Variants in CACNA1B observed in about 807,000 individuals in gnomAD.
The protein encoded by CACNA1B is calcium voltage-gated channel subunit alpha1 B.
In CACNA1B, 70 loss-of-function variants were observed where a neutral mutation model predicts 247.2. That is an observed-to-expected ratio of 0.28 (90% CI 0.23 to 0.35). CACNA1B has a LOEUF of 0.35. CACNA1B is among the 10% of genes least tolerant of loss of function. The probability of loss-of-function intolerance (pLI) is 1.00; values close to 1 mark genes in which losing one functional copy is unlikely to be tolerated. For missense variants in CACNA1B, 2,367 were observed against 3,197.4 expected, an observed-to-expected ratio of 0.74 and a Z score of 6.26; for synonymous variants, 1,231 against 1,294.4, an observed-to-expected ratio of 0.95 and a Z score of 1.05.
chr9:138,000,291 G>T (rs939080227), intron 15 of CACNA1B, among the ~76,000 whole-genome samples: 2 of 151,978 alleles, frequency 1.3e-5, no homozygotes, highest in Non-Finnish European at 1.5e-5. Flanking sequence ...GTAGAGACAG[G>T]GTTTCACCGT....
At chr9:137,967,053 G>A (rs1375377616) in intron 10 of CACNA1B, among the ~76,000 whole-genome samples, 4 of 151,240 alleles carry the variant, frequency 2.6e-5, no homozygotes, top group Non-Finnish European at 4.4e-5. Context: ...TTAGTATAAT[G>A]TTTGACTCTA....
rs1008349217 is a variant in CACNA1B, at chr9:138,050,723, C to T, written c.3711-1369C>T. On this transcript the variant is annotated intron_variant, in intron 24 of 46. Transcript: ENST00000371372. The surrounding 1 kb of genome is among the most constrained non-coding windows in gnomAD (Gnocchi z 5.2). ...AAGCCTCATTTACTGGGTGACAAAA[C>T]AGTATCCCCTCCCTCCTGCTCCTGT... is the stretch of plus-strand genomic sequence containing the variant. Among the ~76,000 whole-genome samples the T allele has an allele frequency of 1.3e-5, 2 of 152,170 alleles. No homozygotes were observed. The highest frequency in any genetic ancestry group is 4.8e-5 in the African/African-American group (2 of 41,436).
At chr9:138,006,979 C>A in intron 16 of CACNA1B, 95 bp downstream of exon 16, 1 of 693,632 alleles carries the variant, frequency 1.4e-6, no homozygotes, top group African/African-American at 1.8e-5. Context: ...GGACTAGGGG[C>A]CGTGGACGTG....
In CACNA1B at chr9:138,051,366, C is replaced by T. The variant is rs543296576; in HGVS notation, c.3711-726C>T. Among the ~76,000 whole-genome samples, 4 of 151,636 alleles carry T rather than the reference C, an allele frequency of 2.6e-5. No individual in the cohort carries two copies. The highest frequency in any genetic ancestry group is 2.1e-4 in the South Asian group (1 of 4,780). The stretch of plus-strand genomic sequence containing the variant: ...TTCTGTGCCTGGAATTTTCTTTCCC[C>T]GACTTCCTGCCTTGCCGTCCCTGCT... On this transcript the variant is annotated intron_variant, in intron 24 of 46. Coordinates refer to ENST00000371372, the MANE Select transcript of CACNA1B (RefSeq NM_000718.4). The surrounding 1 kb of genome is among the most constrained non-coding windows in gnomAD (Gnocchi z 4.3).
chr9:137,939,013 T>C (rs865852315), intron 6 of CACNA1B, among the ~76,000 whole-genome samples: 1 of 152,028 alleles, frequency 6.6e-6, no homozygotes, highest in African/African-American at 2.4e-5. Flanking sequence ...GAGGTTGCAG[T>C]GAGGCAAGAT....
intron 10 of CACNA1B, among the ~76,000 whole-genome samples, chr9:137,966,588 G>T (rs1958079430): frequency 6.7e-6 from 1 of 150,278 alleles, no homozygotes. Flanking sequence ...ACCCAGGCTG[G>T]AGTGCAGTGG....
At chr9:138,046,642 T>C (rs1379242068) in intron 21 of CACNA1B, among the ~76,000 whole-genome samples, 2 of 152,232 alleles carry the variant, frequency 1.3e-5, no homozygotes, top group Non-Finnish European at 2.9e-5. Context: ...GCCTGTGAGC[T>C]TTGGTTTGTT....
chr9:137,923,837 T>C (rs1392986699), intron 6 of CACNA1B, among the ~76,000 whole-genome samples: 1 of 152,228 alleles, frequency 6.6e-6, no homozygotes, highest in Non-Finnish European at 1.5e-5. Flanking sequence ...TTAGCCATTC[T>C]GATAGGGGTA....
chr9:137,972,370 C>T (rs542707393), intron 11 of CACNA1B, among the ~76,000 whole-genome samples: 203 of 152,362 alleles, frequency 1.3e-3, no homozygotes, highest in African/African-American at 4.8e-3. Context: ...TGGGTGTCTA[C>T]AGCGGATCTG....
intron 3 of CACNA1B, among the ~76,000 whole-genome samples, chr9:137,894,947 G>A (rs1588988331): frequency 6.6e-6 from 1 of 152,118 alleles, no homozygotes; most frequent in East Asian, 1.9e-4. Context: ...CTCTTTGCCA[G>A]CCCTAGAGCG....
At chr9:137,897,657 T>G (rs1358169205) in intron 3 of CACNA1B, among the ~76,000 whole-genome samples, 1 of 152,226 alleles carries the variant, frequency 6.6e-6, no homozygotes, top group Non-Finnish European at 1.5e-5. Context: ...ATATGTTGTA[T>G]TTTCGATTTA....
Position 137,919,928 on chromosome 9 carries a change from A to G in CACNA1B, c.966+2497A>G, listed in dbSNP as rs971571095. ...CGGAGTCAAATGGAGCTTTGGGAGA[A>G]CACACGGATGAGCCTGGGGAGAGAC... On this transcript the variant is annotated intron_variant, in intron 6 of 46. Coordinates refer to ENST00000371372, the MANE Select transcript of CACNA1B (RefSeq NM_000718.4). This position sits in a 1 kb window ranked among gnomAD's most constrained non-coding sequence, Gnocchi z 4.6. Among the ~76,000 whole-genome samples the G allele has an allele frequency of 6.6e-6, 1 of 152,166 alleles. No individual in the cohort carries two copies. The highest frequency in any genetic ancestry group is 6.5e-5 in the Admixed American group (1 of 15,284).
At chr9:137,988,191 G>A (rs12340740) in intron 15 of CACNA1B, among the ~76,000 whole-genome samples, 5,518 of 152,296 alleles carry the variant, frequency 0.036, 326 homozygotes, top group African/African-American at 0.12. Flanking sequence ...CCACACGACG[G>A]GGAGGTCACA....
At chr9:138,021,056 C>T (rs991415740) in intron 18 of CACNA1B, among the ~76,000 whole-genome samples, 8 of 152,206 alleles carry the variant, frequency 5.3e-5, no homozygotes, top group Non-Finnish European at 1.2e-4. Flanking sequence ...CAGTGAACAG[C>T]CTCCGCCCTC....
At position 138,051,382 on chromosome 9, in the gene CACNA1B, C is replaced by G. The variant is rs1279942530; in HGVS notation, c.3711-710C>G. ...TTCTTTCCCCGACTTCCTGCCTTGC[C>G]GTCCCTGCTCTGCATGAGTTTTCCT... On this transcript the variant is annotated intron_variant, in intron 24 of 46. Coordinates refer to ENST00000371372, the MANE Select transcript of CACNA1B (RefSeq NM_000718.4). This position sits in a 1 kb window ranked among gnomAD's most constrained non-coding sequence, Gnocchi z 4.3. Among the ~76,000 whole-genome samples the G allele has an allele frequency of 6.6e-6, 1 of 151,620 alleles. No individual in the cohort carries two copies. The highest frequency in any genetic ancestry group is 2.4e-5 in the African/African-American group (1 of 41,258).
chr9:137,898,931 C>T (rs907319655), intron 3 of CACNA1B, among the ~76,000 whole-genome samples: 1 of 151,964 alleles, frequency 6.6e-6, no homozygotes, highest in African/African-American at 2.4e-5. Context: ...CCGCCTGCCT[C>T]AGCCTCCCTA....
rs1323075467 is a variant in CACNA1B, at chr9:138,102,645, C to T, written c.5223-66C>T. On this transcript the variant is annotated intron_variant, in intron 37 of 46. Transcript: ENST00000371372. This position sits in a 1 kb window ranked among gnomAD's most constrained non-coding sequence, Gnocchi z 5.4. ...CTACCCCGCTCCCCTCCCCGCTCCC[C>T]TCCTGCTGCCGCTCCTCCTGTGGAC... The T allele has an allele frequency of 1.4e-5, 12 of 841,308 alleles. No individual in the cohort carries two copies. Among genetic ancestry groups the T allele is most frequent in the African/African-American group, 1.7e-5 (1 of 59,296 alleles). The allele number at this position is 841,308 out of a possible 1,614,324, so 52.1% of individuals were successfully genotyped here. A position where few individuals can be genotyped will look rare whatever the true frequency, so the allele number is the denominator to read the frequency against.
chr9:138,119,064 GC>G (rs990999172), intron 44 of CACNA1B, among the ~76,000 whole-genome samples: 1 of 152,058 alleles, frequency 6.6e-6, no homozygotes, highest in Non-Finnish European at 1.5e-5. Flanking sequence ...GGGCATAGGG[GC>G]CCCCACTCTG....
At chr9:137,960,926 C>G (rs146523105) in intron 10 of CACNA1B, among the ~76,000 whole-genome samples, 1 of 152,000 alleles carries the variant, frequency 6.6e-6, no homozygotes, top group South Asian at 2.1e-4. Context: ...GATGATATCT[C>G]ATTTTGGTTT....
Sources: allele counts gnomAD v4.1 joint callset (sites outside exome capture counted in the v4.1 genomes callset), GRCh38; gene constraint gnomAD v4.1.1; non-coding constraint Gnocchi (gnomAD v3.1); transcripts MANE v1.5; gene names NCBI Gene and HGNC (gene_info 2026-07-23, HGNC 2026-07-21).